Variants in LPIN2 observed in about 807,000 individuals in gnomAD.
The protein encoded by LPIN2 is phosphatidate phosphatase LPIN2.
Under a neutral mutation model 111.4 loss-of-function variants are expected in LPIN2, and 55 were observed. The observed-to-expected ratio is 0.49, with a 90% CI of 0.40 to 0.62. The LOEUF (loss-of-function observed/expected upper bound fraction) is 0.62. LPIN2 is among the 20% of genes least tolerant of loss of function. LPIN2 has a pLI of 0.00. For synonymous variants in LPIN2, 425 were observed against 414.0 expected, an observed-to-expected ratio of 1.03 and a Z score of -0.32; for missense variants, 992 against 1,112.1, an observed-to-expected ratio of 0.89 and a Z score of 1.54.
chr18:2,985,563 T>C (rs943343821), intron 1 of LPIN2, among the ~76,000 whole-genome samples: 1 of 152,126 alleles, frequency 6.6e-6, no homozygotes, highest in Admixed American at 6.5e-5. Context: ...AAAAACAGAA[T>C]CCTGTTCAGA....
At chr18:3,008,216 T>TG (rs936303776) in intron 1 of LPIN2, among the ~76,000 whole-genome samples, 1 of 152,152 alleles carries the variant, frequency 6.6e-6, no homozygotes, top group Non-Finnish European at 1.5e-5. Context: ...CCAAGGTGGG[T>TG]GGATCACTTG....
At chr18:2,921,905 G>T in intron 17 of LPIN2, 142 bp downstream of exon 17, 1 of 1,205,214 alleles carries the variant, frequency 8.3e-7, no homozygotes, top group Non-Finnish European at 1.1e-6. Context: ...GTATGTGGTA[G>T]GACACCACCA....
chr18:2,987,841 C>T (rs537586623), intron 1 of LPIN2, among the ~76,000 whole-genome samples: 1 of 151,794 alleles, frequency 6.6e-6, no homozygotes, highest in Non-Finnish European at 1.5e-5. Flanking sequence ...GAGTTCAAGA[C>T]CAGCCTGGCC....
Position 2,925,658 on chromosome 18 carries a change from G to T in LPIN2, c.1794-290C>A, listed in dbSNP as rs1254834619. On this transcript the variant is annotated intron_variant, in intron 13 of 19. Transcript: ENST00000677752. This position sits in a 1 kb window ranked among gnomAD's most constrained non-coding sequence, Gnocchi z 4.1. Reference sequence around the variant, plus strand: ...GGTCTACTGACTCTTGTTGAAGAGGGTATGTATGTTTCACAAGGCACAAAT... The same window carrying T: ...GGTCTACTGACTCTTGTTGAAGAGGTTATGTATGTTTCACAAGGCACAAAT... Among the ~76,000 whole-genome samples the T allele has an allele frequency of 6.6e-6, 1 of 152,196 alleles. No homozygotes were observed. The highest frequency in any genetic ancestry group is 1.5e-5 in the Non-Finnish European group (1 of 68,044).
rs187863169 is a variant in LPIN2 at position 2,979,396 on chromosome 18, G to A, written c.-9-18547C>T. On this transcript the variant is annotated intron_variant, in intron 1 of 19. Coordinates refer to ENST00000677752, the MANE Select transcript of LPIN2 (RefSeq NM_001375808.2). Reference sequence around the variant, plus strand: ...GGTAGCATTCATACAGCCATTTGCTGGATATCTGCCCAGCTGTGTTATTCA... The same window carrying A: ...GGTAGCATTCATACAGCCATTTGCTAGATATCTGCCCAGCTGTGTTATTCA... Among the ~76,000 whole-genome samples the A allele has an allele frequency of 2.5e-4, 38 of 152,270 alleles. 1 individual carries two copies. In the East Asian group the frequency reaches 4.6e-3, roughly 19 times the overall value.
rs2077053828 is a variant in LPIN2, at chr18:2,921,516, G to A, written c.2442+17C>T. The A allele has an allele frequency of 1.3e-6, 2 of 1,576,492 alleles. No individual in the cohort carries two copies. The highest frequency in any genetic ancestry group is 1.7e-6 in the Non-Finnish European group (2 of 1,145,740). On this transcript the variant is annotated intron_variant, in intron 18 of 19. Coordinates refer to ENST00000677752, the MANE Select transcript of LPIN2 (RefSeq NM_001375808.2). ...AATTTCACCCACATCAGAACCCAGA[G>A]CCCAGGAGATACTCACATTTGGACG...
intron 1 of LPIN2, among the ~76,000 whole-genome samples, chr18:2,965,022 C>G (rs540323783): frequency 3.2e-4 from 48 of 152,228 alleles, no homozygotes; most frequent in African/African-American, 1.1e-3. Context: ...GGCCTGACTG[C>G]TACACAGTGT....
At chr18:2,938,927 G>A (rs2077330285) in intron 6 of LPIN2, among the ~76,000 whole-genome samples, 1 of 152,244 alleles carries the variant, frequency 6.6e-6, no homozygotes, top group South Asian at 2.1e-4. Flanking sequence ...GCCAAGGCAG[G>A]AGGATCTCTT....
intron 1 of LPIN2, among the ~76,000 whole-genome samples, chr18:2,984,802 A>C (rs1456126885): frequency 3.3e-5 from 5 of 152,134 alleles, no homozygotes; most frequent in Admixed American, 1.3e-4. Context: ...CAGGGAGAAG[A>C]AGCCCCCCAG....
At chr18:2,926,178 G>C (rs2077127278) in intron 13 of LPIN2, among the ~76,000 whole-genome samples, 1 of 152,146 alleles carries the variant, frequency 6.6e-6, no homozygotes, top group Non-Finnish European at 1.5e-5. Context: ...ATATAGGATG[G>C]GGGGCGGTAA....
chr18:2,949,609 A>C (rs1199699307), intron 4 of LPIN2, among the ~76,000 whole-genome samples: 1 of 152,226 alleles, frequency 6.6e-6, no homozygotes, highest in Non-Finnish European at 1.5e-5. Flanking sequence ...AGGAGTAGAA[A>C]AAAATTTCAT....
intron 4 of LPIN2, chr18:2,946,295 TC>T (rs2077450941): frequency 1.3e-6 from 2 of 1,507,764 alleles, no homozygotes; most frequent in African/African-American, 1.4e-5. Flanking sequence ...TTCCTTCTCC[TC>T]AGTAGTCTTG....
chr18:2,979,505 T>C (rs1234817556), intron 1 of LPIN2, among the ~76,000 whole-genome samples: 3 of 152,206 alleles, frequency 2.0e-5, no homozygotes, highest in African/African-American at 4.8e-5. Context: ...CTGGACTCAG[T>C]TGTAGTACAA....
At chr18:2,968,493 A>G (rs1321209660) in intron 1 of LPIN2, among the ~76,000 whole-genome samples, 11 of 152,196 alleles carry the variant, frequency 7.2e-5, no homozygotes, top group Admixed American at 6.5e-4. Context: ...CTTGAAAGAG[A>G]TATAACAAAT....
intron 1 of LPIN2, among the ~76,000 whole-genome samples, chr18:2,970,761 A>T (rs893765949): frequency 3.3e-5 from 5 of 152,354 alleles, no homozygotes; most frequent in African/African-American, 9.6e-5. Flanking sequence ...TTAATTTTTT[A>T]AAAATGAGAA....
At chr18:2,957,899 C>A (rs1433460522) in intron 2 of LPIN2, among the ~76,000 whole-genome samples, 2 of 151,626 alleles carry the variant, frequency 1.3e-5, no homozygotes, top group Non-Finnish European at 2.9e-5. Context: ...ACCTGTAATC[C>A]CAGCACTTTG....
chr18:2,971,502 G>A (rs2077910542), intron 1 of LPIN2, among the ~76,000 whole-genome samples: 1 of 152,136 alleles, frequency 6.6e-6, no homozygotes, highest in African/African-American at 2.4e-5. Flanking sequence ...GTTCCGGTAA[G>A]GAAGAGAAAA....
chr18:2,942,804 G>A (rs1375207880), intron 4 of LPIN2, among the ~76,000 whole-genome samples: 1 of 152,238 alleles, frequency 6.6e-6, no homozygotes, highest in Non-Finnish European at 1.5e-5. Context: ...CCTTAGAACA[G>A]GGACCTGCAA....
intron 2 of LPIN2, among the ~76,000 whole-genome samples, chr18:2,960,079 A>G (rs2077685285): frequency 6.6e-6 from 1 of 152,010 alleles, no homozygotes; most frequent in African/African-American, 2.4e-5. Context: ...CTGAGGCAGG[A>G]GAATCGCTTG....
Sources: allele counts gnomAD v4.1 joint callset (sites outside exome capture counted in the v4.1 genomes callset), GRCh38; gene constraint gnomAD v4.1.1; non-coding constraint Gnocchi (gnomAD v3.1); transcripts MANE v1.5; gene names NCBI Gene and HGNC (gene_info 2026-07-23, HGNC 2026-07-21).